The following SDK1 variants were observed in gnomAD, a reference collection of about 807,000 sequenced individuals.
SDK1 encodes sidekick cell adhesion molecule 1.
SDK1 carries 157 observed loss-of-function variants against 245.5 expected under a neutral mutation model. The ratio of observed to expected loss-of-function variants is 0.64; its 90% confidence interval spans 0.56 to 0.73. The LOEUF (loss-of-function observed/expected upper bound fraction) is 0.73. SDK1 is among the 30% of genes least tolerant of loss of function. The pLI, the probability that SDK1 is intolerant of heterozygous loss-of-function variation, is 0.00. For missense variants in SDK1, 3,583 were observed against 3,002.3 expected, an observed-to-expected ratio of 1.19 and a Z score of -4.52; for synonymous variants, 1,647 against 1,278.5, an observed-to-expected ratio of 1.29 and a Z score of -6.15.
intron 1 of SDK1, among the ~76,000 whole-genome samples, chr7:3,600,549 T>C (rs1476722868): frequency 7.9e-6 from 1 of 126,984 alleles, no homozygotes; most frequent in Non-Finnish European, 1.8e-5. Context: ...ATATTAGATG[T>C]AGTTTTTTTT....
chr7:4,219,185 C>G (rs1051606627), intron 38 of SDK1, among the ~76,000 whole-genome samples: 1 of 152,214 alleles, frequency 6.6e-6, no homozygotes, highest in Non-Finnish European at 1.5e-5. Flanking sequence ...TCAGAGTCCA[C>G]AGATGAAGTT....
At chr7:3,587,024 C>T (rs1281262434) in intron 1 of SDK1, among the ~76,000 whole-genome samples, 1 of 151,924 alleles carries the variant, frequency 6.6e-6, no homozygotes, top group Non-Finnish European at 1.5e-5. Context: ...GGAGGAAGGA[C>T]CCTGGGCACA....
intron 5 of SDK1, among the ~76,000 whole-genome samples, chr7:3,909,945 A>G (rs1779106737): frequency 1.3e-5 from 2 of 152,194 alleles, no homozygotes; most frequent in South Asian, 2.1e-4. Flanking sequence ...TGAATATTTC[A>G]TGTTAGAAAA....
At chr7:3,838,335 T>C (rs1780073072) in intron 5 of SDK1, among the ~76,000 whole-genome samples, 1 of 152,132 alleles carries the variant, frequency 6.6e-6, no homozygotes, top group Non-Finnish European at 1.5e-5. Context: ...AGAAGCACAG[T>C]TTGCTCTGGA....
At chr7:3,546,723 G>A (rs1323684145) in intron 1 of SDK1, among the ~76,000 whole-genome samples, 2 of 152,216 alleles carry the variant, frequency 1.3e-5, no homozygotes. Context: ...GTCACTTTGT[G>A]TTCCAGGATG....
At chr7:3,509,486 G>A (rs749291389) in intron 1 of SDK1, among the ~76,000 whole-genome samples, 4 of 152,192 alleles carry the variant, frequency 2.6e-5, no homozygotes, top group Non-Finnish European at 5.9e-5. Flanking sequence ...TGCCTGGCAC[G>A]TGATAATTGC....
intron 1 of SDK1, among the ~76,000 whole-genome samples, chr7:3,517,742 C>T (rs181930524): frequency 6.6e-6 from 1 of 152,088 alleles, no homozygotes; most frequent in Admixed American, 6.6e-5. Context: ...AATTGTATTG[C>T]CACTAGTGCT....
intron 44 of SDK1, 95 bp downstream of exon 44, chr7:4,245,900 C>T (rs1020522378): frequency 1.4e-6 from 2 of 1,443,288 alleles, no homozygotes; most frequent in African/African-American, 2.8e-5. Context: ...CTATTTGAGT[C>T]TCATAACATC....
chr7:4,210,217 C>T, intron 38 of SDK1, 55 bp downstream of exon 38: 2 of 1,440,058 alleles, frequency 1.4e-6, no homozygotes, highest in Non-Finnish European at 1.8e-6. Context: ...GCCCAGCCCT[C>T]TGCAGTCTAC....
intron 4 of SDK1, among the ~76,000 whole-genome samples, chr7:3,673,507 G>A (rs1783785119): frequency 6.6e-6 from 1 of 152,122 alleles, no homozygotes. Flanking sequence ...TTTAAACATG[G>A]AAAAATAAAA....
chr7:4,220,109 G>C lies in SDK1; in HGVS notation c.5540G>C (p.Gly1847Ala). ...VVYEPLAPVQGVSKVVTVEVR... is the reference protein window; with the variant it reads ...VVYEPLAPVQAVSKVVTVEVR... The stretch of plus-strand genomic sequence containing the variant: ...TTTCCTTTGCTTCTGGCGGCTGCAG[G>C]GGTGAGCAAGGTGGTGACCGTGGAA... The change falls in exon 39 of 45, where the codon GGG (glycine) becomes GCG (alanine). Residue 1847 changes from glycine to alanine, a missense_variant and splice_region_variant. Physicochemically the swap from Gly to Ala is moderately conservative, Grantham distance 60. Transcript: ENST00000404826. The C allele has an allele frequency of 6.2e-7, 1 of 1,613,280 alleles. No individual in the cohort carries two copies. The highest frequency in any genetic ancestry group is 8.5e-7 in the Non-Finnish European group (1 of 1,179,402).
At chr7:3,514,683 T>C (rs1289573171) in intron 1 of SDK1, among the ~76,000 whole-genome samples, 1 of 152,108 alleles carries the variant, frequency 6.6e-6, no homozygotes. Context: ...TTAGCTGTCA[T>C]TTAAGGAGGT....
chr7:4,211,696 G>A lies in SDK1; in HGVS notation c.5539+1534G>A, dbSNP rs551589383. 1.7e-4 allele frequency among the ~76,000 whole-genome samples: 26 copies of A among 152,210 alleles called. No homozygotes were observed. In the South Asian group the frequency reaches 4.6e-3, roughly 27 times the overall value. ...ACGATTTCTGCTCACTGCAAGCTCC[G>A]CCTCCCGGGTTCGCACCATTCTCCT... On this transcript the variant is annotated intron_variant, in intron 38 of 44. Coordinates refer to ENST00000404826, the MANE Select transcript of SDK1 (RefSeq NM_152744.4).
chr7:4,011,204 C>T lies in SDK1; in HGVS notation c.2279+91C>T, dbSNP rs1363264042. On this transcript the variant is annotated intron_variant, in intron 15 of 44. Coordinates refer to ENST00000404826, the MANE Select transcript of SDK1 (RefSeq NM_152744.4). ...TCACATTATGTGGTGGAATTGATCA[C>T]AGCAACCCGCTGGCTTCCCTCAGGG... 47 of 1,465,566 alleles carry T rather than the reference C, an allele frequency of 3.2e-5. No individual in the cohort carries two copies. In the East Asian group the frequency reaches 1.1e-3, roughly 35 times the overall value. The allele number at this position is 1,465,566 out of a possible 1,614,324, so 90.8% of individuals were successfully genotyped here. A position where few individuals can be genotyped will look rare whatever the true frequency, so the allele number is the denominator to read the frequency against.
At chr7:3,504,180 A>ATGTG (rs1338465819) in intron 1 of SDK1, among the ~76,000 whole-genome samples, 7,948 of 89,146 alleles carry the variant, frequency 0.089, 330 homozygotes, top group African/African-American at 0.18. Flanking sequence ...ATATATATAT[A>ATGTG]TATGTGTGTG....
chr7:3,859,923 A>ATTT lies in SDK1; in HGVS notation c.847+38352_847+38354dup, dbSNP rs36028522. ...TAAAGCAACAAAAGAACTGATAGAA[A>ATTT]TTTTTTTTTTTTTTGAGACGGAGTC... On this transcript the variant is annotated intron_variant, in intron 5 of 44. Coordinates refer to ENST00000404826, the MANE Select transcript of SDK1 (RefSeq NM_152744.4). Among the ~76,000 whole-genome samples the ATTT allele has an allele frequency of 1.4e-5, 2 of 147,158 alleles. 1 individual carries two copies. The highest frequency in any genetic ancestry group is 5.0e-5 in the African/African-American group (2 of 40,276).
At chr7:3,359,121 A>G (rs1397772294) in intron 1 of SDK1, among the ~76,000 whole-genome samples, 3 of 152,132 alleles carry the variant, frequency 2.0e-5, no homozygotes, top group African/African-American at 7.2e-5. Flanking sequence ...GTGATCACGC[A>G]GGTCAATTGG....
At chr7:3,353,563 C>A (rs1780715721) in intron 1 of SDK1, among the ~76,000 whole-genome samples, 1 of 152,034 alleles carries the variant, frequency 6.6e-6, no homozygotes, top group African/African-American at 2.4e-5. Context: ...TTAGTAGTGC[C>A]CTGTGTGTAG....
intron 25 of SDK1, among the ~76,000 whole-genome samples, chr7:4,118,360 CTA>C (rs1783849776): frequency 6.6e-6 from 1 of 152,132 alleles, no homozygotes; most frequent in Non-Finnish European, 1.5e-5. Context: ...AAATGCAAAT[CTA>C]AGCTGCAATG....
Sources: gnomAD v4.1 joint callset for allele counts (sites outside exome capture counted in the v4.1 genomes callset) on GRCh38, gnomAD v4.1.1 for gene constraint, MANE v1.5 for transcripts, NCBI Gene and HGNC (gene_info 2026-07-23, HGNC 2026-07-21) for gene names.